The following TEAD1 variants were observed in gnomAD, a reference collection of about 807,000 sequenced individuals.
TEAD1 encodes transcriptional enhancer factor TEF-1.
In TEAD1, 9 loss-of-function variants were observed where a neutral mutation model predicts 54.9. The observed-to-expected ratio is 0.16, with a 90% CI of 0.10 to 0.29. The LOEUF (loss-of-function observed/expected upper bound fraction) is 0.29. Among genes scored for constraint, TEAD1 ranks in the 10% least tolerant of loss-of-function variants. The probability of loss-of-function intolerance (pLI) is 1.00; values close to 1 mark genes in which losing one functional copy is unlikely to be tolerated. For missense variants in TEAD1, 387 were observed against 535.9 expected, an observed-to-expected ratio of 0.72 and a Z score of 2.74; for synonymous variants, 200 against 187.8, an observed-to-expected ratio of 1.07 and a Z score of -0.53.
At chr11:12,696,920 C>T (rs1392188073) in intron 2 of TEAD1, among the ~76,000 whole-genome samples, 6 of 152,128 alleles carry the variant, frequency 3.9e-5, no homozygotes, top group African/African-American at 9.7e-5. Context: ...AACTGGGGAA[C>T]AAGAAGGGCT....
At chr11:12,823,140 C>G (rs1050048058) in intron 3 of TEAD1, among the ~76,000 whole-genome samples, 11 of 152,186 alleles carry the variant, frequency 7.2e-5, no homozygotes, top group Non-Finnish European at 8.8e-5. Flanking sequence ...CCTGGTTCTC[C>G]TTCACCTTGC....
chr11:12,760,920 A>G (rs1006805026), intron 2 of TEAD1, among the ~76,000 whole-genome samples: 1 of 152,188 alleles, frequency 6.6e-6, no homozygotes, highest in African/African-American at 2.4e-5. Flanking sequence ...TAAAGTCTTC[A>G]TCTTATGATG....
intron 9 of TEAD1, among the ~76,000 whole-genome samples, chr11:12,899,764 C>T (rs1948388861): frequency 6.6e-6 from 1 of 152,194 alleles, no homozygotes. Context: ...TCTTTCACCT[C>T]ACCTGATACC....
intron 2 of TEAD1, among the ~76,000 whole-genome samples, chr11:12,714,417 G>A (rs58756885): frequency 0.036 from 5,460 of 152,062 alleles, 351 homozygotes; most frequent in African/African-American, 0.13. Flanking sequence ...TTTGAGACGG[G>A]GTCTCATTCT....
intron 2 of TEAD1, among the ~76,000 whole-genome samples, chr11:12,709,755 G>C (rs142019029): frequency 6.6e-6 from 1 of 152,042 alleles, no homozygotes; most frequent in African/African-American, 2.4e-5. Flanking sequence ...ACTCCTGGTC[G>C]TTAACCCAAG....
intron 10 of TEAD1, among the ~76,000 whole-genome samples, chr11:12,920,829 C>T (rs1290313589): frequency 6.6e-6 from 1 of 152,174 alleles, no homozygotes; most frequent in African/African-American, 2.4e-5. Context: ...ATTGCAGCAT[C>T]ATTGGGAAGC....
At chr11:12,847,927 C>A (rs760380963) in intron 3 of TEAD1, among the ~76,000 whole-genome samples, 1 of 152,138 alleles carries the variant, frequency 6.6e-6, no homozygotes, top group African/African-American at 2.4e-5. Flanking sequence ...CAGTGGGAAC[C>A]CTATATCATA....
intron 3 of TEAD1, among the ~76,000 whole-genome samples, chr11:12,782,775 A>G (rs1945585693): frequency 6.6e-6 from 1 of 152,220 alleles, no homozygotes; most frequent in Admixed American, 6.5e-5. Flanking sequence ...AGATGGAAAG[A>G]AAGGAAAATG....
At chr11:12,688,366 TG>T (rs1232899710) in intron 2 of TEAD1, among the ~76,000 whole-genome samples, 13 of 152,170 alleles carry the variant, frequency 8.5e-5, no homozygotes, top group Admixed American at 5.2e-4. Flanking sequence ...TGGGAGGCAG[TG>T]GGGCTGGTTG....
chr11:12,880,991 A>C lies in TEAD1; in HGVS notation c.466-14A>C. 1 of 1,614,128 alleles carries C rather than the reference A, an allele frequency of 6.2e-7. No homozygotes were observed. The stretch of plus-strand genomic sequence containing the variant: ...AAACTCGTAATTCTGAGGCCTTTGC[A>C]TTTTGCCTTCCAGTTCTGGCCGGGA... On this transcript the variant is annotated splice_polypyrimidine_tract_variant and intron_variant, in intron 6 of 12. Transcript: ENST00000527636.
intron 12 of TEAD1, among the ~76,000 whole-genome samples, chr11:12,932,763 A>G (rs75394263): frequency 0.031 from 4,697 of 152,300 alleles, 92 homozygotes; most frequent in Non-Finnish European, 0.043. Context: ...TTACAGTAGT[A>G]TACAGTGATG....
intron 3 of TEAD1, among the ~76,000 whole-genome samples, chr11:12,840,372 G>A (rs868040503): frequency 2.6e-5 from 4 of 152,072 alleles, no homozygotes; most frequent in Middle Eastern, 3.4e-3. Flanking sequence ...AGGATGGGGA[G>A]TCAGAAGAAG....
chr11:12,727,572 C>T (rs537282718), intron 2 of TEAD1, among the ~76,000 whole-genome samples: 1 of 152,242 alleles, frequency 6.6e-6, no homozygotes, highest in South Asian at 2.1e-4. Context: ...CCATGGTTCT[C>T]TTTGTAATAA....
chr11:12,708,562 G>A (rs1943868320), intron 2 of TEAD1, among the ~76,000 whole-genome samples: 1 of 151,968 alleles, frequency 6.6e-6, no homozygotes, highest in South Asian at 2.1e-4. Context: ...TTGGCAGTGG[G>A]GATTAAAGTG....
In TEAD1 at chr11:12,821,961, CTTTT is replaced by C. The variant is rs10700151; in HGVS notation, c.203-40272_203-40269del. Reference sequence around the variant, plus strand: ...TACTCTCTCTCCTTTTTCTCTTTTCCTTTTTTTTTTTTTTTTTTTTGAGACAGAG... The same window carrying C: ...TACTCTCTCTCCTTTTTCTCTTTTCCTTTTTTTTTTTTTTTTGAGACAGAG... On this transcript the variant is annotated intron_variant, in intron 3 of 12. Coordinates refer to ENST00000527636, the MANE Select transcript of TEAD1 (RefSeq NM_021961.6). 5.5e-3 allele frequency among the ~76,000 whole-genome samples: 372 copies of C among 68,074 alleles called. 7 individuals are homozygous for C. Among genetic ancestry groups the C allele is most frequent in the African/African-American group, 0.02 (311 of 15,852 alleles). 44.7% of individuals were successfully genotyped at this position (68,074 alleles called of 152,430 possible).
intron 10 of TEAD1, among the ~76,000 whole-genome samples, chr11:12,917,046 A>G (rs1473968581): frequency 1.3e-5 from 2 of 152,186 alleles, no homozygotes; most frequent in Non-Finnish European, 2.9e-5. Flanking sequence ...GTAGCCATGG[A>G]ATCTGTGGAT....
chr11:12,940,956 C>G lies in TEAD1; in HGVS notation c.*3734C>G, dbSNP rs890749260. 1 of 152,138 alleles carries G rather than the reference C, an allele frequency of 6.6e-6. No individual in the cohort carries two copies. Among genetic ancestry groups the G allele is most frequent in the Non-Finnish European group, 1.5e-5 (1 of 68,042 alleles). The allele number at this position is 152,138 out of a possible 1,614,324, so 9.4% of individuals were successfully genotyped here. On this transcript the variant is annotated 3_prime_UTR_variant, in exon 13 of 13. Coordinates refer to ENST00000527636, the MANE Select transcript of TEAD1 (RefSeq NM_021961.6). ...GCTGAAAGCACAGTCTACTCTCCTT[C>G]GTTTTGTCGATGAGAAAGTTGAGGC... is the stretch of plus-strand genomic sequence containing the variant.
intron 3 of TEAD1, among the ~76,000 whole-genome samples, chr11:12,834,321 A>T (rs1946840149): frequency 6.6e-6 from 1 of 152,234 alleles, no homozygotes; most frequent in Non-Finnish European, 1.5e-5. Context: ...GCTGTAACAG[A>T]TATCCATGGA....
intron 3 of TEAD1, among the ~76,000 whole-genome samples, chr11:12,826,786 T>C (rs1212794151): frequency 1.3e-5 from 2 of 152,326 alleles, no homozygotes; most frequent in East Asian, 1.9e-4. Context: ...TTAAGTAATA[T>C]TACAGTTTGG....
Sources: gnomAD v4.1 joint callset for allele counts (sites outside exome capture counted in the v4.1 genomes callset) on GRCh38, gnomAD v4.1.1 for gene constraint, MANE v1.5 for transcripts, NCBI Gene and HGNC (gene_info 2026-07-23, HGNC 2026-07-21) for gene names.